Variants in BNC2 observed in about 807,000 individuals in gnomAD.
BNC2 encodes the protein zinc finger protein basonuclin-2.
BNC2 carries 20 observed loss-of-function variants against 76.3 expected under a neutral mutation model. The observed-to-expected ratio is 0.26, with a 90% CI of 0.18 to 0.38. The LOEUF (loss-of-function observed/expected upper bound fraction) is 0.38. Ranked by LOEUF, BNC2 falls within the 10% of genes least tolerant of loss-of-function variation. BNC2 has a pLI of 1.00. For synonymous variants in BNC2, 582 were observed against 514.8 expected (o/e 1.13, Z -1.77); for missense variants, 1,382 against 1,399.8 (o/e 0.99, Z 0.20).
intron 3 of BNC2, among the ~76,000 whole-genome samples, chr9:16,726,475 A>AT (rs1237433349): frequency 4.9e-5 from 7 of 143,860 alleles, no homozygotes; most frequent in Non-Finnish European, 1.0e-4. Flanking sequence ...AGCCTGGCAA[A>AT]TTGTTTTTTT....
intron 3 of BNC2, among the ~76,000 whole-genome samples, chr9:16,622,359 T>C (rs1820888044): frequency 1.3e-5 from 2 of 152,178 alleles, no homozygotes; most frequent in South Asian, 4.1e-4. Flanking sequence ...ATTTGTGTAA[T>C]ATTTTTAATG....
intron 3 of BNC2, among the ~76,000 whole-genome samples, chr9:16,678,205 C>G (rs1315442210): frequency 1.4e-5 from 2 of 147,802 alleles, no homozygotes; most frequent in Non-Finnish European, 3.0e-5. Context: ...TTTAGCAAAA[C>G]AACTCTTGTC....
chr9:16,742,511 C>A (rs559204525), intron 1 of BNC2, among the ~76,000 whole-genome samples: 27 of 152,032 alleles, frequency 1.8e-4, no homozygotes, highest in African/African-American at 6.1e-4. Context: ...CCAGAGTCAC[C>A]TTAGGGACAC....
chr9:16,542,379 AAG>A (rs535592386), intron 5 of BNC2, among the ~76,000 whole-genome samples: 159 of 152,282 alleles, frequency 1.0e-3, no homozygotes, highest in African/African-American at 2.0e-3. Flanking sequence ...AGAGAAAGAA[AAG>A]AGAGAGAAGA....
intron 3 of BNC2, among the ~76,000 whole-genome samples, chr9:16,632,872 A>G (rs911082944): frequency 6.6e-6 from 1 of 152,138 alleles, no homozygotes; most frequent in Non-Finnish European, 1.5e-5. Flanking sequence ...CTAAAGCAAT[A>G]CTCTTAGGGA....
At chr9:16,605,178 G>A (rs1008509574) in intron 3 of BNC2, among the ~76,000 whole-genome samples, 5 of 152,206 alleles carry the variant, frequency 3.3e-5, no homozygotes, top group African/African-American at 1.2e-4. Flanking sequence ...CAATAAATTA[G>A]TAGAGAATGA....
chr9:16,768,649 A>C (rs560640140), intron 1 of BNC2, among the ~76,000 whole-genome samples: 1 of 152,298 alleles, frequency 6.6e-6, no homozygotes, highest in East Asian at 1.9e-4. Context: ...TAAGTATTTG[A>C]AAACAGACAA....
At position 16,461,426 on chromosome 9, in the gene BNC2, A is replaced by T. The variant is rs146669757; in HGVS notation, c.670-23902T>A. 4.8e-3 allele frequency among the ~76,000 whole-genome samples: 737 copies of T among 152,340 alleles called. 5 individuals are homozygous for T. Among genetic ancestry groups the T allele is most frequent in the African/African-American group, 0.017 (700 of 41,578 alleles). On this transcript the variant is annotated intron_variant, in intron 5 of 6. Coordinates refer to ENST00000380672, the MANE Select transcript of BNC2 (RefSeq NM_017637.6). ...CTTGAATGAGGATTTATGCTGTGAT[A>T]AGAGGCAAATATCTTTAAAATGAAG... is the stretch of plus-strand genomic sequence containing the variant.
At chr9:16,865,318 TG>T (rs1292390013) in intron 1 of BNC2, among the ~76,000 whole-genome samples, 1 of 152,172 alleles carries the variant, frequency 6.6e-6, no homozygotes, top group Non-Finnish European at 1.5e-5. Context: ...GCCTTCCTTA[TG>T]GAAGAATTCC....
At chr9:16,855,320 T>C (rs1819227117) in intron 1 of BNC2, among the ~76,000 whole-genome samples, 1 of 152,236 alleles carries the variant, frequency 6.6e-6, no homozygotes, top group Non-Finnish European at 1.5e-5. Context: ...CCAGTGAATT[T>C]TGTGCTCTCT....
At chr9:16,828,300 A>C (rs1291326274) in intron 1 of BNC2, among the ~76,000 whole-genome samples, 7 of 152,238 alleles carry the variant, frequency 4.6e-5, no homozygotes, top group African/African-American at 1.4e-4. Flanking sequence ...TTATAGAAAA[A>C]CCACAGCAAA....
At chr9:16,815,502 G>C (rs1167200269) in intron 1 of BNC2, among the ~76,000 whole-genome samples, 3 of 152,190 alleles carry the variant, frequency 2.0e-5, no homozygotes, top group African/African-American at 4.8e-5. Context: ...GTAAGAATGA[G>C]GGTATATAGA....
chr9:16,744,573 G>A (rs1010056114), intron 1 of BNC2, among the ~76,000 whole-genome samples: 9 of 152,138 alleles, frequency 5.9e-5, no homozygotes, highest in African/African-American at 1.9e-4. Flanking sequence ...TACTCCTCCT[G>A]CTAGATTTAC....
intron 5 of BNC2, among the ~76,000 whole-genome samples, chr9:16,519,169 CTG>C (rs1817537853): frequency 6.6e-6 from 1 of 152,120 alleles, no homozygotes; most frequent in African/African-American, 2.4e-5. Flanking sequence ...TGTCTAGGGA[CTG>C]TGTCTCTGGG....
intron 1 of BNC2, among the ~76,000 whole-genome samples, chr9:16,774,570 T>C (rs141111207): frequency 3.7e-4 from 57 of 152,336 alleles, no homozygotes; most frequent in African/African-American, 1.3e-3. Context: ...AAATCTCCAT[T>C]GTGATAAAAC....
At chr9:16,668,518 G>A (rs1563889684) in intron 3 of BNC2, among the ~76,000 whole-genome samples, 1 of 152,126 alleles carries the variant, frequency 6.6e-6, no homozygotes. Context: ...ACAACGTCAG[G>A]ATGTACTTTA....
At chr9:16,774,063 C>G (rs1259915704) in intron 1 of BNC2, among the ~76,000 whole-genome samples, 1 of 152,120 alleles carries the variant, frequency 6.6e-6, no homozygotes, top group Non-Finnish European at 1.5e-5. Flanking sequence ...ATCACTGCAA[C>G]CTTTGTCTCC....
chr9:16,826,900 C>G (rs1353562860), intron 1 of BNC2, among the ~76,000 whole-genome samples: 4 of 152,172 alleles, frequency 2.6e-5, no homozygotes, highest in African/African-American at 9.7e-5. Context: ...TAAATGCTAT[C>G]AAAATTCCAT....
chr9:16,452,090 A>G (rs1821352445), intron 5 of BNC2, among the ~76,000 whole-genome samples: 1 of 152,214 alleles, frequency 6.6e-6, no homozygotes. Context: ...CCAATGGTGC[A>G]GGGAGGCAGC....
Sources: gnomAD v4.1 joint callset for allele counts (sites outside exome capture counted in the v4.1 genomes callset) on GRCh38, gnomAD v4.1.1 for gene constraint, MANE v1.5 for transcripts, NCBI Gene and HGNC (gene_info 2026-07-23, HGNC 2026-07-21) for gene names.